The following CDS2 variants were observed in gnomAD, a reference collection of about 807,000 sequenced individuals.
CDS2 encodes phosphatidate cytidylyltransferase 2.
Under a neutral mutation model 59.0 loss-of-function variants are expected in CDS2, and 47 were observed. That is an observed-to-expected ratio of 0.80 (90% CI 0.63 to 1.02). The LOEUF (loss-of-function observed/expected upper bound fraction) is 1.02, where lower values mean the gene tolerates loss of function less well. CDS2 is among the 50% of genes least tolerant of loss of function. The probability of loss-of-function intolerance (pLI) is 0.00; values close to 1 mark genes in which losing one functional copy is unlikely to be tolerated. For synonymous variants in CDS2, 207 were observed against 206.4 expected, an observed-to-expected ratio of 1.00 and a Z score of -0.02; for missense variants, 356 against 558.9, an observed-to-expected ratio of 0.64 and a Z score of 3.66.
At chr20:5,178,989 CTG>C (rs751639256) in intron 5 of CDS2, 33 bp downstream of exon 5, 308 of 1,605,208 alleles carry the variant, frequency 1.9e-4, no homozygotes, top group Non-Finnish European at 2.6e-4. Context: ...TTTCTTGTGT[CTG>C]TATTGTTTTT....
At chr20:5,174,250 G>A (rs888962370) in intron 2 of CDS2, among the ~76,000 whole-genome samples, 6 of 152,136 alleles carry the variant, frequency 3.9e-5, no homozygotes, top group African/African-American at 1.2e-4. Flanking sequence ...GTTCCTATGT[G>A]TGCCTCCAAC....
chr20:5,184,701 T>C lies in CDS2; in HGVS notation c.672-157T>C, dbSNP rs1481483190. Among the ~76,000 whole-genome samples, 3 of 152,252 alleles carry C rather than the reference T, an allele frequency of 2.0e-5. No homozygotes were observed. The highest frequency in any genetic ancestry group is 4.4e-5 in the Non-Finnish European group (3 of 68,048). ...CTCTGTGCTAGGTACTAGGTATGAC[T>C]TTTTTGGTATTTTTTATGTTTTTAA... On this transcript the variant is annotated intron_variant, in intron 7 of 12. Coordinates refer to ENST00000460006, the MANE Select transcript of CDS2 (RefSeq NM_003818.4). This position sits in a 1 kb window ranked among gnomAD's most constrained non-coding sequence, Gnocchi z 4.3.
At position 5,186,793 on chromosome 20, in the gene CDS2, T is replaced by A. The variant is rs1264447519; in HGVS notation, c.935T>A (p.Leu312Gln). The A allele has an allele frequency of 6.2e-7, 1 of 1,614,166 alleles. No homozygotes were observed. Among genetic ancestry groups the A allele is most frequent in the Non-Finnish European group, 8.5e-7 (1 of 1,180,020 alleles). Residue 312 changes from leucine (L) to glutamine (Q), a missense_variant, in exon 10 of 13, where the codon CTG becomes CAG. This residue lies in a region of CDS2 where 88 missense variants were observed against 103.6 expected (regional missense o/e 0.85). Transcript: ENST00000460006. ...VDCEPSDLFR[L>Q]QEYNIPGVIQ... is the part of the protein sequence containing the mutation. ...TGTGAGCCCTCGGACCTGTTTCGCC[T>A]GCAGGAGTACAACATTCCTGGGGTG... is the stretch of plus-strand genomic sequence containing the variant.
At chr20:5,173,449 A>G (rs1466322359) in intron 1 of CDS2, 74 bp from the exon 2 acceptor site, 2 of 1,546,530 alleles carry the variant, frequency 1.3e-6, no homozygotes, top group African/African-American at 2.7e-5. Context: ...CAGATCTCTC[A>G]TGACAGGCAT....
chr20:5,132,942 G>T (rs1335131713), intron 1 of CDS2, among the ~76,000 whole-genome samples: 1 of 151,968 alleles, frequency 6.6e-6, no homozygotes, highest in Admixed American at 6.6e-5. Context: ...GGAGGCTGAG[G>T]CGGGCGGATC....
At chr20:5,131,050 G>A (rs966187120) in intron 1 of CDS2, among the ~76,000 whole-genome samples, 32 of 147,806 alleles carry the variant, frequency 2.2e-4, no homozygotes, top group Admixed American at 8.8e-4. Context: ...CCGAGATGGC[G>A]CCACTGCACG....
chr20:5,182,413 G>T lies in CDS2; in HGVS notation c.556G>T (p.Val186Phe). 6.2e-7 allele frequency: 1 copy of T among 1,611,726 alleles called. No homozygotes were observed. The highest frequency in any genetic ancestry group is 8.5e-7 in the Non-Finnish European group (1 of 1,178,894). ...ATTCTGCATGTTTGTACTGAGTCTG[G>T]TCAAGAAGCATTATCGACTGCAGTT... ...IGFCMFVLSL[V>F]KKHYRLQFYM... The change falls in exon 6 of 13, where the codon GTC becomes TTC. Residue 186 changes from valine (V) to phenylalanine (F), a missense_variant. By Grantham distance (50) the Val-to-Phe change is conservative. This residue lies in a region of CDS2 where 87 missense variants were observed against 193.3 expected (regional missense o/e 0.45). Transcript: ENST00000460006.
intron 1 of CDS2, among the ~76,000 whole-genome samples, chr20:5,170,680 CAGT>C (rs763107739): frequency 1.4e-4 from 22 of 152,200 alleles, no homozygotes; most frequent in Non-Finnish European, 2.4e-4. Context: ...GATGCTTCCT[CAGT>C]AGGCCCGGCT....
chr20:5,174,880 G>A (rs1360584681), intron 2 of CDS2, among the ~76,000 whole-genome samples: 4 of 152,174 alleles, frequency 2.6e-5, no homozygotes, highest in Admixed American at 1.3e-4. Context: ...AACCATCCAA[G>A]TGGATACAGA....
intron 1 of CDS2, among the ~76,000 whole-genome samples, chr20:5,147,080 G>A (rs1207574961): frequency 2.6e-5 from 4 of 152,176 alleles, no homozygotes; most frequent in African/African-American, 4.8e-5. Flanking sequence ...TAACTGCAAG[G>A]GAAGCTGGGA....
chr20:5,195,715 T>G lies in CDS2; in HGVS notation c.*5481T>G, dbSNP rs1009936595. The G allele has an allele frequency of 4.6e-5, 7 of 152,202 alleles. No homozygotes were observed. Among genetic ancestry groups the G allele is most frequent in the African/African-American group, 1.7e-4 (7 of 41,438 alleles). 9.4% of individuals were successfully genotyped at this position (152,202 alleles called of 1,614,324 possible). ...CTGCTTTGTAGGGGATTATGTAGACTAAAAGCCTAGAAGTTCTGCCCACAT... is the reference window on the plus strand; with the variant it reads ...CTGCTTTGTAGGGGATTATGTAGACGAAAAGCCTAGAAGTTCTGCCCACAT... On this transcript the variant is annotated 3_prime_UTR_variant, in exon 13 of 13. Transcript: ENST00000460006.
rs1384387422 is a variant in CDS2 at position 5,184,186 on chromosome 20, C to T, written c.672-672C>T. 1.3e-5 allele frequency among the ~76,000 whole-genome samples: 2 copies of T among 151,824 alleles called. No homozygotes were observed. The highest frequency in any genetic ancestry group is 6.6e-5 in the Admixed American group (1 of 15,238). On this transcript the variant is annotated intron_variant, in intron 7 of 12. Coordinates refer to ENST00000460006, the MANE Select transcript of CDS2 (RefSeq NM_003818.4). The surrounding 1 kb of genome is among the most constrained non-coding windows in gnomAD (Gnocchi z 4.3). ...CAAAAACAGAAACAAACAAACAAAC[C>T]TGTAATCAAAGAACTTTTTAAAAAG...
chr20:5,128,427 T>C (rs534395306), intron 1 of CDS2: 2 of 152,246 alleles, frequency 1.3e-5, no homozygotes, highest in East Asian at 3.9e-4. Context: ...TAAACAACTT[T>C]CGTGTTATTG....
Position 5,189,105 on chromosome 20 carries a change from C to A in CDS2, c.1020C>A (p.Ile340=). ...VRMYPFQIHS[I]ALSTFASLIG... ...TGTACCCCTTCCAGATTCACAGCAT[C>A]GCTCTCTCCACCTTTGCCTCGCTCA... Residue 340 remains isoleucine (I), a synonymous_variant, in exon 11 of 13, where the codon ATC becomes ATA. Coordinates refer to ENST00000460006, the MANE Select transcript of CDS2 (RefSeq NM_003818.4). 6.2e-7 allele frequency: 1 copy of A among 1,614,164 alleles called. No individual in the cohort carries two copies.
At position 5,184,905 on chromosome 20, in the gene CDS2, A is replaced by G; in HGVS notation, c.719A>G (p.Tyr240Cys). Residue 240 changes from tyrosine (Y) to cysteine (C), a missense_variant, in exon 8 of 13, where the codon TAT becomes TGT. Tyr to Cys is a radical substitution (Grantham distance 194, BLOSUM62 -2). This residue lies in a region of CDS2 where 87 missense variants were observed against 193.3 expected (regional missense o/e 0.45). Transcript: ENST00000460006. This position sits in a 1 kb window ranked among gnomAD's most constrained non-coding sequence, Gnocchi z 4.3. ...GTGATCTGTAATGACATCATGGCCT[A>G]TATGTTTGGCTTTTTCTTTGGTCGG... ...SCVICNDIMA[Y>C]MFGFFFGRTP... 3 of 1,613,930 alleles carry G rather than the reference A, an allele frequency of 1.9e-6. No individual in the cohort carries two copies. Among genetic ancestry groups the G allele is most frequent in the Non-Finnish European group, 2.5e-6 (3 of 1,179,940 alleles).
chr20:5,186,246 C>T (rs2091066929), intron 9 of CDS2, among the ~76,000 whole-genome samples: 1 of 152,226 alleles, frequency 6.6e-6, no homozygotes, highest in Admixed American at 6.5e-5. Flanking sequence ...TCAGCACTGT[C>T]TGGCTGCCCT....
At chr20:5,161,083 G>T (rs1295861915) in intron 1 of CDS2, among the ~76,000 whole-genome samples, 1 of 152,152 alleles carries the variant, frequency 6.6e-6, no homozygotes, top group Non-Finnish European at 1.5e-5. Context: ...TGGAATTGCT[G>T]AGTCATGTGG....
At chr20:5,183,835 G>A (rs2091048209) in intron 7 of CDS2, among the ~76,000 whole-genome samples, 1 of 152,168 alleles carries the variant, frequency 6.6e-6, no homozygotes, top group African/African-American at 2.4e-5. Context: ...AGAAATCACT[G>A]GCCAACTGAA....
In CDS2 at chr20:5,178,753, G is replaced by A. The variant is rs2091012043; in HGVS notation, c.390-64G>A. 8.2e-6 allele frequency: 13 copies of A among 1,583,756 alleles called. 1 individual carries two copies. The highest frequency in any genetic ancestry group is 1.7e-4 in the Middle Eastern group (1 of 5,962). On this transcript the variant is annotated intron_variant, in intron 4 of 12. Coordinates refer to ENST00000460006, the MANE Select transcript of CDS2 (RefSeq NM_003818.4). The stretch of plus-strand genomic sequence containing the variant: ...TGCCCTCTGTCCCTTCCTCTGGGAT[G>A]TCTGACTGCCTTGCTGTGAAGGCAA...
Sources: gnomAD v4.1 joint callset for allele counts (sites outside exome capture counted in the v4.1 genomes callset) on GRCh38, gnomAD v4.1.1 for gene constraint, gnomAD v4.1.1 regional missense constraint, Gnocchi (gnomAD v3.1) non-coding constraint, MANE v1.5 for transcripts, NCBI Gene and HGNC (gene_info 2026-07-23, HGNC 2026-07-21) for gene names.